Variants in PKHD1L1 observed in about 807,000 individuals in gnomAD.
PKHD1L1 encodes the protein PKHD1 like 1.
In PKHD1L1, 434 loss-of-function variants were observed where a neutral mutation model predicts 462.9. The observed-to-expected ratio is 0.94, with a 90% CI of 0.87 to 1.02. The LOEUF is 1.02. Among genes scored for constraint, PKHD1L1 ranks in the 50% least tolerant of loss-of-function variants. The pLI, the probability that PKHD1L1 is intolerant of heterozygous loss-of-function variation, is 0.00. For synonymous variants in PKHD1L1, 1,781 were observed against 1,750.0 expected (o/e 1.02, Z -0.44); for missense variants, 5,202 against 5,096.1 (o/e 1.02, Z -0.63).
chr8:109,472,696 G>A (rs1003104469), intron 50 of PKHD1L1, among the ~76,000 whole-genome samples: 1 of 140,212 alleles, frequency 7.1e-6, no homozygotes. Flanking sequence ...ACTATGCTAG[G>A]CATTTTACTT....
At chr8:109,384,438 GA>G (rs1371162839) in intron 5 of PKHD1L1, among the ~76,000 whole-genome samples, 1 of 151,926 alleles carries the variant, frequency 6.6e-6, no homozygotes, top group Non-Finnish European at 1.5e-5. Context: ...AGCTACTCCG[GA>G]GGCTGAGGCG....
chr8:109,459,886 C>T (rs1245109648), intron 47 of PKHD1L1, 50 bp downstream of exon 47: 4 of 1,505,828 alleles, frequency 2.7e-6, no homozygotes, highest in Middle Eastern at 2.1e-4. Flanking sequence ...TATAGTTTTA[C>T]AATTTAATTG....
intron 67 of PKHD1L1, among the ~76,000 whole-genome samples, chr8:109,502,063 C>A (rs1295830637): frequency 5.3e-5 from 8 of 152,004 alleles, no homozygotes; most frequent in African/African-American, 1.7e-4. Context: ...CCACACCACA[C>A]CACACCACAC....
chr8:109,516,319 T>C (rs1820267993), intron 72 of PKHD1L1, among the ~76,000 whole-genome samples: 1 of 152,092 alleles, frequency 6.6e-6, no homozygotes, highest in Non-Finnish European at 1.5e-5. Flanking sequence ...CAGGGTGCCA[T>C]GATGGTCATG....
At position 109,448,339 on chromosome 8, in the gene PKHD1L1, C is replaced by A. The variant is rs1362008539; in HGVS notation, c.5973C>A (p.Ser1991=). Residue 1991 remains serine (S), a synonymous_variant, in exon 39 of 78, where the codon TCC becomes TCA. Coordinates refer to ENST00000378402, the MANE Select transcript of PKHD1L1 (RefSeq NM_177531.6). ...MHHKTKGSAM[S]TVVFEYPLNI... ...ATAAGACAAAAGGCTCAGCCATGTCCACAGTTGTATTTGAGTACCCGCTTA... is the reference window on the plus strand; with the variant it reads ...ATAAGACAAAAGGCTCAGCCATGTCAACAGTTGTATTTGAGTACCCGCTTA... 6.2e-7 allele frequency: 1 copy of A among 1,613,364 alleles called. No individual in the cohort carries two copies.
chr8:109,376,931 T>A (rs1811866992), intron 2 of PKHD1L1, among the ~76,000 whole-genome samples: 1 of 152,192 alleles, frequency 6.6e-6, no homozygotes, highest in Admixed American at 6.5e-5. Flanking sequence ...TAAACATCAC[T>A]GGCACCTGCC....
In PKHD1L1 at chr8:109,415,864, GGTGTGTGTGTGTGTGT is replaced by G. The variant is rs552265043; in HGVS notation, c.2360+2346_2360+2361del. On this transcript the variant is annotated intron_variant, in intron 21 of 77. Transcript: ENST00000378402. Reference sequence around the variant, plus strand: ...CCTTGTCTTAAAAAAAAAAAAAAGGGGTGTGTGTGTGTGTGTGTGTGTGTGTGTGTGTGTGTGTGTG... The same window carrying G: ...CCTTGTCTTAAAAAAAAAAAAAAGGGGTGTGTGTGTGTGTGTGTGTGTGTG... Among the ~76,000 whole-genome samples the G allele has an allele frequency of 8.3e-4, 83 of 100,420 alleles. 1 individual carries two copies. Among genetic ancestry groups the G allele is most frequent in the Middle Eastern group, 4.4e-3 (1 of 226 alleles). The allele number at this position is 100,420 out of a possible 152,430, so 65.9% of individuals were successfully genotyped here.
chr8:109,414,574 A>G (rs1814033681), intron 21 of PKHD1L1, among the ~76,000 whole-genome samples: 1 of 152,090 alleles, frequency 6.6e-6, no homozygotes, highest in Non-Finnish European at 1.5e-5. Context: ...ACTTTAATAC[A>G]TGCCATGTAA....
At chr8:109,437,205 C>T (rs372193754) in intron 30 of PKHD1L1, among the ~76,000 whole-genome samples, 11 of 152,134 alleles carry the variant, frequency 7.2e-5, no homozygotes, top group East Asian at 3.9e-4. Context: ...TGAGCCACCA[C>T]GCCTGGCCAG....
At chr8:109,511,145 C>G (rs1211548623) in intron 71 of PKHD1L1, among the ~76,000 whole-genome samples, 1 of 152,030 alleles carries the variant, frequency 6.6e-6, no homozygotes, top group Non-Finnish European at 1.5e-5. Context: ...CATCCCCTTG[C>G]CATATGCACT....
chr8:109,433,310 A>G, intron 28 of PKHD1L1, 94 bp downstream of exon 28: 4 of 1,054,926 alleles, frequency 3.8e-6, no homozygotes, highest in Middle Eastern at 2.3e-4. Flanking sequence ...ATCGTGTACA[A>G]TTATCATGAT....
intron 20 of PKHD1L1, 141 bp downstream of exon 20, chr8:109,412,555 G>A: frequency 2.5e-6 from 2 of 810,368 alleles, no homozygotes; most frequent in South Asian, 2.3e-5. Flanking sequence ...GTACATTCTG[G>A]GTGCTTGTGG....
intron 46 of PKHD1L1, 130 bp from the exon 47 acceptor site, chr8:109,459,465 G>T: frequency 1.6e-6 from 1 of 607,022 alleles, no homozygotes; most frequent in East Asian, 3.3e-5. Context: ...TTTCTGTTCA[G>T]AATATTATAT....
At chr8:109,468,574 A>G (rs916653500) in intron 50 of PKHD1L1, among the ~76,000 whole-genome samples, 3 of 152,212 alleles carry the variant, frequency 2.0e-5, no homozygotes, top group African/African-American at 7.2e-5. Flanking sequence ...ACCAGATTTT[A>G]TATGTCTGTT....
intron 20 of PKHD1L1, among the ~76,000 whole-genome samples, chr8:109,412,636 T>C (rs1438023430): frequency 6.6e-6 from 1 of 152,014 alleles, no homozygotes; most frequent in Non-Finnish European, 1.5e-5. Flanking sequence ...CCATATATCA[T>C]GTATTATATT....
At position 109,435,349 on chromosome 8, in the gene PKHD1L1, T is replaced by C. The variant is rs1324474142; in HGVS notation, c.3500T>C (p.Ile1167Thr). The change falls in exon 29 of 78, where the codon ATA (isoleucine) becomes ACA (threonine). Residue 1167 changes from isoleucine (I) to threonine (T), a missense_variant. Ile to Thr is a moderately conservative substitution (Grantham distance 89). Coordinates refer to ENST00000378402, the MANE Select transcript of PKHD1L1 (RefSeq NM_177531.6). Reference protein sequence around the residue: ...ISHIWPDSGSIAGGTLLTLSG... With the variant: ...ISHIWPDSGSTAGGTLLTLSG... The stretch of plus-strand genomic sequence containing the variant: ...CATATCTGGCCTGATTCTGGAAGCA[T>C]AGCAGGTAATGGTTAATAGTTTAAA... 11 of 1,611,786 alleles carry C rather than the reference T, an allele frequency of 6.8e-6. No individual in the cohort carries two copies. The highest frequency in any genetic ancestry group is 1.7e-4 in the Middle Eastern group (1 of 6,036).
At chr8:109,381,983 A>G (rs1233328568) in intron 3 of PKHD1L1, among the ~76,000 whole-genome samples, 1 of 152,158 alleles carries the variant, frequency 6.6e-6, no homozygotes, top group Non-Finnish European at 1.5e-5. Context: ...AAATCACTTT[A>G]AATTGCAACT....
rs367916726 is a variant in PKHD1L1, at chr8:109,490,962, T to C, written c.9985-10T>C. 1 of 1,593,124 alleles carries C rather than the reference T, an allele frequency of 6.3e-7. No individual in the cohort carries two copies. The highest frequency in any genetic ancestry group is 1.3e-5 in the African/African-American group (1 of 74,516). Reference sequence around the variant, plus strand: ...TTTAAAAATGTTCTCTGTATCCCAATGTTGTATAGATTCAAGAACATGGCT... The same window carrying C: ...TTTAAAAATGTTCTCTGTATCCCAACGTTGTATAGATTCAAGAACATGGCT... On this transcript the variant is annotated splice_polypyrimidine_tract_variant and intron_variant, in intron 60 of 77. Coordinates refer to ENST00000378402, the MANE Select transcript of PKHD1L1 (RefSeq NM_177531.6).
Position 109,398,508 on chromosome 8 carries a change from G to T in PKHD1L1, c.972G>T (p.Lys324Asn), listed in dbSNP as rs867837276. 2 of 1,575,192 alleles carry T rather than the reference G, an allele frequency of 1.3e-6. No homozygotes were observed. Among genetic ancestry groups the T allele is most frequent in the East Asian group, 4.6e-5 (2 of 43,766 alleles). Residue 324 changes from lysine to asparagine, a missense_variant, in exon 12 of 78, where the codon AAG becomes AAT. Physicochemically the swap from Lys to Asn is moderately conservative, Grantham distance 94 (BLOSUM62 0). Transcript: ENST00000378402. ...TCACAGAAAATAGTATATGTTGCAA[G>T]ACACCCCCCAAACCTCATATTCTCA... ...LNVTENSICCKTPPKPHILKT... is the reference protein window; with the variant it reads ...LNVTENSICCNTPPKPHILKT...
Sources: gnomAD v4.1 joint callset for allele counts (sites outside exome capture counted in the v4.1 genomes callset) on GRCh38, gnomAD v4.1.1 for gene constraint, MANE v1.5 for transcripts, NCBI Gene and HGNC (gene_info 2026-07-23, HGNC 2026-07-21) for gene names.